The following EXOSC5 variants were observed in gnomAD, a reference collection of about 807,000 sequenced individuals.
EXOSC5 encodes exosome complex component RRP46.
Under a neutral mutation model 23.7 loss-of-function variants are expected in EXOSC5, and 15 were observed. That is an observed-to-expected ratio of 0.63 (90% confidence interval 0.42 to 0.97). The LOEUF (loss-of-function observed/expected upper bound fraction) is 0.97, where lower values mean the gene tolerates loss of function less well. Among genes scored for constraint, EXOSC5 ranks in the 50% least tolerant of loss-of-function variants. The probability of loss-of-function intolerance (pLI) is 0.00; values close to 1 mark genes in which losing one functional copy is unlikely to be tolerated. For synonymous variants in EXOSC5, 143 were observed against 140.9 expected (o/e 1.02, Z -0.11); for missense variants, 305 against 316.3 (o/e 0.96, Z 0.27).
At chr19:41,393,293 TCA>T (rs1187100671) in intron 1 of EXOSC5, among the ~76,000 whole-genome samples, 3 of 152,208 alleles carry the variant, frequency 2.0e-5, no homozygotes, top group African/African-American at 7.2e-5. Context: ...AGGCAGGGTC[TCA>T]CTCTCATTGC....
chr19:41,387,442 C>A (rs1190644685), intron 5 of EXOSC5, 72 bp downstream of exon 5: 6 of 1,243,026 alleles, frequency 4.8e-6, no homozygotes, highest in African/African-American at 1.5e-5. Context: ...GAATCCAGGG[C>A]AGAGTTGGGA....
intron 4 of EXOSC5, among the ~76,000 whole-genome samples, chr19:41,389,146 A>C (rs1490687384): frequency 1.3e-5 from 2 of 151,588 alleles, no homozygotes; most frequent in African/African-American, 2.4e-5. Context: ...GGGTTTTGCA[A>C]TGTTGGCCAG....
chr19:41,396,633 T>C (rs2039067533), intron 1 of EXOSC5, among the ~76,000 whole-genome samples: 1 of 125,098 alleles, frequency 8.0e-6, no homozygotes, highest in Admixed American at 8.2e-5. Context: ...TTTTTTTTTT[T>C]TTTTGACTTG....
intron 5 of EXOSC5, among the ~76,000 whole-genome samples, 189 bp from the exon 6 acceptor site, chr19:41,386,914 T>C (rs1253492960): frequency 6.6e-6 from 1 of 151,994 alleles, no homozygotes; most frequent in African/African-American, 2.4e-5. Context: ...TCAGGAGAAA[T>C]AAAAAGAGGG....
Position 41,391,870 on chromosome 19 carries a change from C to G in EXOSC5, c.355G>C (p.Val119Leu). Residue 119 changes from valine to leucine, a missense_variant, in exon 3 of 6, where the codon GTG (valine) becomes CTG (leucine). Val to Leu is a conservative substitution (Grantham distance 32). Transcript: ENST00000221233. ...TLHPRTSITV[V>L]LQVVSDAGSL... is the part of the protein sequence containing the mutation. The stretch of plus-strand genomic sequence containing the variant: ...CCGGCATCGCTGACAACCTGCAGCA[C>G]CACGGTGATGGAGGTGCGGGGGTGC... 2 of 1,546,666 alleles carry G rather than the reference C, an allele frequency of 1.3e-6. No individual in the cohort carries two copies. The highest frequency in any genetic ancestry group is 1.7e-6 in the Non-Finnish European group (2 of 1,154,616).
chr19:41,396,355 G>T (rs547435402), intron 1 of EXOSC5, among the ~76,000 whole-genome samples: 2 of 151,986 alleles, frequency 1.3e-5, no homozygotes, highest in Admixed American at 6.6e-5. Context: ...GATTACAGGC[G>T]CCCGCCACCA....
At chr19:41,390,587 G>T (rs538459829) in intron 3 of EXOSC5, among the ~76,000 whole-genome samples, 4 of 152,336 alleles carry the variant, frequency 2.6e-5, no homozygotes, top group African/African-American at 9.6e-5. Context: ...GCAAAGCCAG[G>T]CCCGAAACTT....
At chr19:41,395,544 G>C (rs1005322729) in intron 1 of EXOSC5, among the ~76,000 whole-genome samples, 1 of 152,074 alleles carries the variant, frequency 6.6e-6, no homozygotes, top group African/African-American at 2.4e-5. Flanking sequence ...GCTCAACATC[G>C]TCACCACTGA....
chr19:41,386,567 T>C lies in EXOSC5; in HGVS notation c.*66A>G. On this transcript the variant is annotated 3_prime_UTR_variant, in exon 6 of 6. Coordinates refer to ENST00000221233, the MANE Select transcript of EXOSC5 (RefSeq NM_020158.4). ...CAGAGAGGCAAGGCTGGGCTGCTGG[T>C]TTGCTTCAGGCTGTAGGGGGTGAGT... is the stretch of plus-strand genomic sequence containing the variant. 1 of 1,490,552 alleles carries C rather than the reference T, an allele frequency of 6.7e-7. No homozygotes were observed. Among genetic ancestry groups the C allele is most frequent in the African/African-American group, 1.4e-5 (1 of 72,038 alleles). 92.3% of individuals were successfully genotyped at this position (1,490,552 alleles called of 1,614,324 possible). A position where few individuals can be genotyped will look rare whatever the true frequency, so the allele number is the denominator to read the frequency against.
chr19:41,391,392 A>C (rs1490725435), intron 3 of EXOSC5: 1 of 158,988 alleles, frequency 6.3e-6, no homozygotes, highest in Admixed American at 6.5e-5. Flanking sequence ...AACCCAAAAA[A>C]CAAAAGAAGT....
chr19:41,386,858 A>G (rs2038988862), intron 5 of EXOSC5, 133 bp from the exon 6 acceptor site: 1 of 667,954 alleles, frequency 1.5e-6, no homozygotes, highest in Admixed American at 2.7e-5. Context: ...CAAGTGAGGC[A>G]AGTGGTAAGG....
chr19:41,391,957 C>G lies in EXOSC5; in HGVS notation c.268G>C (p.Ala90Pro). Residue 90 changes from alanine to proline, a missense_variant, in exon 3 of 6, where the codon GCA (alanine) becomes CCA (proline). Transcript: ENST00000221233. Reference protein sequence around the residue: ...LRPKIGLPGVAEKSRERLIRN... With the variant: ...LRPKIGLPGVPEKSRERLIRN... The stretch of plus-strand genomic sequence containing the variant: ...ATCAGCCGCTCCCGGCTCTTCTCTG[C>G]AACACCTGGGGAAATTGAAGAGAGG... 1 of 1,584,824 alleles carries G rather than the reference C, an allele frequency of 6.3e-7. No homozygotes were observed. Among genetic ancestry groups the G allele is most frequent in the African/African-American group, 1.4e-5 (1 of 72,834 alleles).
At chr19:41,390,086 C>G (rs962671336) in intron 3 of EXOSC5, among the ~76,000 whole-genome samples, 181 bp from the exon 4 acceptor site, 23 of 152,146 alleles carry the variant, frequency 1.5e-4, no homozygotes, top group African/African-American at 5.6e-4. Flanking sequence ...GCACCCACCA[C>G]CACACCCGGC....
chr19:41,396,301 C>T (rs576185966), intron 1 of EXOSC5, among the ~76,000 whole-genome samples: 1 of 152,236 alleles, frequency 6.6e-6, no homozygotes, highest in Admixed American at 6.5e-5. Flanking sequence ...CTTCTGCCTC[C>T]CAGGTTCAAG....
At chr19:41,387,442 C>CA in intron 5 of EXOSC5, 72 bp downstream of exon 5, 1 of 1,243,144 alleles carries the variant, frequency 8.0e-7, no homozygotes, top group Non-Finnish European at 1.1e-6. Context: ...GAATCCAGGG[C>CA]AGAGTTGGGA....
intron 1 of EXOSC5, 113 bp from the exon 2 acceptor site, chr19:41,393,093 T>A: frequency 1.3e-6 from 1 of 755,966 alleles, no homozygotes; most frequent in Non-Finnish European, 2.3e-6. Flanking sequence ...CATTTGTTGG[T>A]ACTGATTCTT....
At chr19:41,392,235 C>G in intron 2 of EXOSC5, 1 of 475,618 alleles carries the variant, frequency 2.1e-6, no homozygotes, top group Non-Finnish European at 3.7e-6. Flanking sequence ...CACTCCCACC[C>G]TAGCAGGTCC....
chr19:41,391,838 T>C lies in EXOSC5; in HGVS notation c.384+3A>G. ...GGAGGAGGAGGCCTGGCAGAAAGGA[T>C]ACAGAGCCGGCATCGCTGACAACCT... On this transcript the variant is annotated splice_donor_region_variant and intron_variant, in intron 3 of 5. Coordinates refer to ENST00000221233, the MANE Select transcript of EXOSC5 (RefSeq NM_020158.4). 6.6e-7 allele frequency: 1 copy of C among 1,508,856 alleles called. No individual in the cohort carries two copies. 93.5% of individuals were successfully genotyped at this position (1,508,856 alleles called of 1,614,324 possible).
intron 3 of EXOSC5, among the ~76,000 whole-genome samples, chr19:41,390,731 A>G: frequency 7.1e-6 from 1 of 141,300 alleles, no homozygotes; most frequent in South Asian, 2.4e-4. Context: ...CAGTTTCCTA[A>G]TGTGTTTCTT....
Sources: allele counts gnomAD v4.1 joint callset (sites outside exome capture counted in the v4.1 genomes callset), GRCh38; gene constraint gnomAD v4.1.1; transcripts MANE v1.5; gene names NCBI Gene and HGNC (gene_info 2026-07-23, HGNC 2026-07-21).